Variants in UBE2D2 observed in about 807,000 individuals in gnomAD.
The protein encoded by UBE2D2 is ubiquitin-conjugating enzyme E2 D2.
A neutral mutation model predicts 24.2 loss-of-function variants in UBE2D2; 2 were observed. That is an observed-to-expected ratio of 0.08 (90% confidence interval 0.03 to 0.26). UBE2D2 has a LOEUF of 0.26. Ranked by LOEUF, UBE2D2 falls within the 10% of genes least tolerant of loss-of-function variation. The probability of loss-of-function intolerance (pLI) is 1.00; values close to 1 mark genes in which losing one functional copy is unlikely to be tolerated. For missense variants in UBE2D2, 44 were observed against 177.6 expected, an observed-to-expected ratio of 0.25 and a Z score of 4.28; for synonymous variants, 58 against 56.5, an observed-to-expected ratio of 1.03 and a Z score of -0.12.
intron 2 of UBE2D2, among the ~76,000 whole-genome samples, chr5:139,603,048 A>C (rs1227372313): frequency 2.0e-5 from 3 of 152,100 alleles, no homozygotes; most frequent in East Asian, 3.9e-4. Context: ...TCTCATGGAG[A>C]TTCTCCATGT....
In UBE2D2 at chr5:139,614,857, G is replaced by A. The variant is rs1754389539; in HGVS notation, c.199-4G>A. On this transcript the variant is annotated splice_region_variant and splice_polypyrimidine_tract_variant and intron_variant, in intron 4 of 6. Transcript: ENST00000398733. ...TTTACAGAAAGTTTCCTTTCTTTCT[G>A]TAGGTTGCATTTACAACAAGAATTT... The A allele has an allele frequency of 6.2e-7, 1 of 1,613,098 alleles. No individual in the cohort carries two copies. Among genetic ancestry groups the A allele is most frequent in the Non-Finnish European group, 8.5e-7 (1 of 1,179,740 alleles).
At chr5:139,546,321 C>T (rs907950879) in intron 1 of UBE2D2, among the ~76,000 whole-genome samples, 3 of 152,086 alleles carry the variant, frequency 2.0e-5, no homozygotes, top group Non-Finnish European at 4.4e-5. Flanking sequence ...GGATTACAGG[C>T]ATGAGCCACT....
At chr5:139,547,960 G>A (rs771199675) in intron 1 of UBE2D2, among the ~76,000 whole-genome samples, 5 of 151,832 alleles carry the variant, frequency 3.3e-5, no homozygotes, top group African/African-American at 4.8e-5. Flanking sequence ...CTCCCAAAGC[G>A]TTGGGATTAC....
chr5:139,549,452 G>A (rs1000713601), intron 1 of UBE2D2, among the ~76,000 whole-genome samples: 25 of 152,338 alleles, frequency 1.6e-4, no homozygotes, highest in East Asian at 5.8e-4. Flanking sequence ...GCCGGCTGGC[G>A]CCGTGGGCCC....
At chr5:139,567,595 A>G (rs908207101) in intron 1 of UBE2D2, among the ~76,000 whole-genome samples, 2 of 138,352 alleles carry the variant, frequency 1.4e-5, no homozygotes, top group Non-Finnish European at 3.0e-5. Context: ...GTGCAGTGGC[A>G]CAATCTCGGC....
At position 139,580,320 on chromosome 5, in the gene UBE2D2, C is replaced by T. The variant is rs190244776; in HGVS notation, c.24+18505C>T. Among the ~76,000 whole-genome samples the T allele has an allele frequency of 2.0e-5, 3 of 152,208 alleles. No homozygotes were observed. In the East Asian group the frequency reaches 5.8e-4, roughly 29 times the overall value. Reference sequence around the variant, plus strand: ...GCTCAAGTGTTACGCCCACCTCAGCCTTCCAAAGTGCTGAGATTACAGTCG... The same window carrying T: ...GCTCAAGTGTTACGCCCACCTCAGCTTTCCAAAGTGCTGAGATTACAGTCG... On this transcript the variant is annotated intron_variant, in intron 1 of 6. Coordinates refer to ENST00000398733, the MANE Select transcript of UBE2D2 (RefSeq NM_003339.3).
intron 1 of UBE2D2, among the ~76,000 whole-genome samples, chr5:139,599,947 GCATGTATCAC>G (rs1754038545): frequency 6.6e-6 from 1 of 151,896 alleles, no homozygotes; most frequent in Non-Finnish European, 1.5e-5. Flanking sequence ...GGTATGACAG[GCATGTATCAC>G]CATGCCCAGC....
intron 1 of UBE2D2, among the ~76,000 whole-genome samples, chr5:139,555,452 A>G (rs1246662343): frequency 6.6e-6 from 1 of 152,216 alleles, no homozygotes; most frequent in Non-Finnish European, 1.5e-5. Flanking sequence ...TAATTTGAAA[A>G]TAACACTTGA....
intron 1 of UBE2D2, among the ~76,000 whole-genome samples, chr5:139,542,302 T>C (rs1480710777): frequency 1.3e-5 from 2 of 152,218 alleles, no homozygotes; most frequent in African/African-American, 4.8e-5. Context: ...ACACTCAGCC[T>C]GGAAGAATTC....
intron 1 of UBE2D2, among the ~76,000 whole-genome samples, chr5:139,594,066 T>C (rs1753909027): frequency 6.6e-6 from 1 of 152,228 alleles, no homozygotes; most frequent in South Asian, 2.1e-4. Context: ...TTATAACCTC[T>C]CTCAGTTTCC....
At chr5:139,574,763 A>G (rs1753432914) in intron 1 of UBE2D2, among the ~76,000 whole-genome samples, 2 of 151,450 alleles carry the variant, frequency 1.3e-5, no homozygotes, top group African/African-American at 2.4e-5. Context: ...AGAAAAGAAA[A>G]GGTGGAATTT....
upstream of UBE2D2, among the ~76,000 whole-genome samples, chr5:139,558,999 CTA>C (rs1377679125): frequency 2.6e-5 from 4 of 151,966 alleles, no homozygotes; most frequent in Non-Finnish European, 4.4e-5. Flanking sequence ...GATGAAGTCT[CTA>C]TATTGCCCAG....
At chr5:139,600,151 T>C in intron 1 of UBE2D2, 2 of 624,144 alleles carry the variant, frequency 3.2e-6, no homozygotes, top group Non-Finnish European at 5.9e-6. Context: ...TGCTAAGCTC[T>C]GAACAAAGCA....
chr5:139,527,171 A>G (rs571960244), intron 1 of UBE2D2, among the ~76,000 whole-genome samples: 185 of 152,186 alleles, frequency 1.2e-3, no homozygotes, highest in African/African-American at 4.3e-3. Context: ...GTTGGCTATC[A>G]GAAGAAAGCC....
intron 2 of UBE2D2, among the ~76,000 whole-genome samples, chr5:139,609,971 C>T (rs533607615): frequency 1.3e-5 from 2 of 151,782 alleles, no homozygotes; most frequent in South Asian, 4.2e-4. Flanking sequence ...CAGGGTGTCA[C>T]CATGTTGGCC....
chr5:139,612,653 A>G (rs1360369149), intron 2 of UBE2D2, among the ~76,000 whole-genome samples: 1 of 152,168 alleles, frequency 6.6e-6, no homozygotes, highest in Non-Finnish European at 1.5e-5. Flanking sequence ...TTTGTCTAAT[A>G]GTGTTTTTAG....
At chr5:139,530,663 A>C (rs1752588230) in intron 1 of UBE2D2, among the ~76,000 whole-genome samples, 1 of 152,228 alleles carries the variant, frequency 6.6e-6, no homozygotes, top group African/African-American at 2.4e-5. Flanking sequence ...ACTTGGTAGC[A>C]GCTGAAGGAG....
At chr5:139,589,546 C>CA (rs538470486) in intron 1 of UBE2D2, among the ~76,000 whole-genome samples, 1 of 151,650 alleles carries the variant, frequency 6.6e-6, no homozygotes, top group Non-Finnish European at 1.5e-5. Context: ...GACCCTGTCT[C>CA]AAAAAAATAG....
intron 1 of UBE2D2, 80 bp from the exon 2 acceptor site, chr5:139,600,291 AT>A: frequency 7.0e-7 from 1 of 1,437,200 alleles, no homozygotes; most frequent in Admixed American, 1.8e-5. Context: ...GACAGAGAAT[AT>A]TGGTAACAAT....
Sources: allele counts gnomAD v4.1 joint callset (sites outside exome capture counted in the v4.1 genomes callset), GRCh38; gene constraint gnomAD v4.1.1; transcripts MANE v1.5; gene names NCBI Gene and HGNC (gene_info 2026-07-23, HGNC 2026-07-21).